Variants in GPC6 observed in about 807,000 individuals in gnomAD.
GPC6 encodes glypican-6.
GPC6 carries 14 observed loss-of-function variants against 55.2 expected under a neutral mutation model. The ratio of observed to expected loss-of-function variants is 0.25; its 90% CI spans 0.17 to 0.40. GPC6 has a LOEUF of 0.40. Ranked by LOEUF, GPC6 falls within the 10% of genes least tolerant of loss-of-function variation. The pLI, the probability that GPC6 is intolerant of heterozygous loss-of-function variation, is 1.00. For synonymous variants in GPC6, 278 were observed against 259.6 expected, an observed-to-expected ratio of 1.07 and a Z score of -0.68; for missense variants, 641 against 708.5, an observed-to-expected ratio of 0.90 and a Z score of 1.08.
Position 93,834,674 on chromosome 13 carries a change from T to G in GPC6, c.711+4129T>G, listed in dbSNP as rs562217675. Among the ~76,000 whole-genome samples, 19 of 152,090 alleles carry G rather than the reference T, an allele frequency of 1.2e-4. 1 individual carries two copies. The highest frequency in any genetic ancestry group is 9.2e-4 in the Admixed American group (14 of 15,270). ...GAAATAAATTAAGATGTAGAAAGAT[T>G]TTACCATTTTCCATCTCTGTTTCTA... On this transcript the variant is annotated intron_variant, in intron 3 of 8. Transcript: ENST00000377047.
chr13:94,015,165 A>G (rs1013915790), intron 3 of GPC6, among the ~76,000 whole-genome samples: 3 of 152,170 alleles, frequency 2.0e-5, no homozygotes, highest in African/African-American at 7.2e-5. Context: ...CAATATATAA[A>G]TGTTTCAATG....
chr13:93,384,155 G>A (rs920139455), intron 1 of GPC6, among the ~76,000 whole-genome samples: 1 of 152,088 alleles, frequency 6.6e-6, no homozygotes, highest in Non-Finnish European at 1.5e-5. Context: ...GAATGCTAAA[G>A]CACACTTTCT....
At chr13:94,038,890 A>G (rs568213834) in intron 4 of GPC6, among the ~76,000 whole-genome samples, 1 of 151,972 alleles carries the variant, frequency 6.6e-6, no homozygotes, top group Non-Finnish European at 1.5e-5. Flanking sequence ...AGAATTATCA[A>G]CTAATTGTTA....
chr13:93,487,074 G>A (rs1052765719), intron 1 of GPC6, among the ~76,000 whole-genome samples: 6 of 152,062 alleles, frequency 3.9e-5, no homozygotes, highest in East Asian at 1.9e-4. Context: ...CTGATACCTC[G>A]CAGTTTGCTC....
upstream of GPC6, among the ~76,000 whole-genome samples, chr13:93,225,147 C>T (rs1303431610): frequency 6.6e-6 from 1 of 152,080 alleles, no homozygotes. Flanking sequence ...CAATGAGTCC[C>T]AGGATAAGGT....
intron 2 of GPC6, among the ~76,000 whole-genome samples, chr13:93,792,118 G>A (rs12428875): frequency 5.9e-5 from 9 of 152,142 alleles, no homozygotes; most frequent in Non-Finnish European, 1.0e-4. Context: ...AAATGCTATT[G>A]AACCTGCTTC....
At chr13:93,892,420 A>T (rs1225100713) in intron 3 of GPC6, among the ~76,000 whole-genome samples, 1 of 152,196 alleles carries the variant, frequency 6.6e-6, no homozygotes, top group African/African-American at 2.4e-5. Context: ...TGGATTTAAT[A>T]ATCAGGAAAG....
intron 4 of GPC6, among the ~76,000 whole-genome samples, chr13:94,104,990 A>G (rs1324210324): frequency 6.6e-5 from 10 of 152,178 alleles, no homozygotes; most frequent in Admixed American, 5.2e-4. Flanking sequence ...TGGAACCAAA[A>G]AAGAGCCCGC....
intron 4 of GPC6, among the ~76,000 whole-genome samples, chr13:94,128,311 T>A (rs955188044): frequency 1.3e-5 from 2 of 152,194 alleles, no homozygotes; most frequent in African/African-American, 4.8e-5. Flanking sequence ...AATGATCACT[T>A]GCAAGCTGAT....
At chr13:93,277,166 T>G (rs1476568714) in intron 1 of GPC6, among the ~76,000 whole-genome samples, 1 of 152,188 alleles carries the variant, frequency 6.6e-6, no homozygotes, top group Non-Finnish European at 1.5e-5. Context: ...ACTTATGATG[T>G]GTTGCAAATA....
intron 2 of GPC6, among the ~76,000 whole-genome samples, chr13:93,675,201 A>T (rs1338363952): frequency 2.0e-5 from 3 of 152,132 alleles, no homozygotes; most frequent in Non-Finnish European, 4.4e-5. Flanking sequence ...TCTAATGTTT[A>T]TGCAACTCCA....
intron 3 of GPC6, among the ~76,000 whole-genome samples, chr13:93,878,144 G>T (rs1874705986): frequency 6.6e-6 from 1 of 152,034 alleles, no homozygotes; most frequent in Non-Finnish European, 1.5e-5. Flanking sequence ...GAGCGATGGG[G>T]AGATAGAAGA....
intron 3 of GPC6, among the ~76,000 whole-genome samples, chr13:93,845,333 AC>A (rs1209195219): frequency 1.3e-5 from 2 of 149,880 alleles, no homozygotes; most frequent in Non-Finnish European, 3.0e-5. Flanking sequence ...TCAGGAAACA[AC>A]AGGTGCTGGA....
chr13:93,806,402 G>A (rs1367499593), intron 2 of GPC6, among the ~76,000 whole-genome samples: 1 of 152,136 alleles, frequency 6.6e-6, no homozygotes, highest in Non-Finnish European at 1.5e-5. Context: ...CAATGGCGCA[G>A]TCGCGGCTCA....
intron 2 of GPC6, among the ~76,000 whole-genome samples, chr13:93,763,307 C>T (rs1377096233): frequency 1.3e-5 from 2 of 152,276 alleles, no homozygotes; most frequent in East Asian, 1.9e-4. Flanking sequence ...CCCTATGATG[C>T]ATGGAGCAAA....
intron 1 of GPC6, among the ~76,000 whole-genome samples, chr13:93,430,375 T>C (rs1310612953): frequency 4.6e-5 from 7 of 152,112 alleles, no homozygotes; most frequent in Non-Finnish European, 7.4e-5. Flanking sequence ...ATTGAGAGAA[T>C]AGAATTTAGG....
chr13:93,623,522 A>T (rs182780581), intron 2 of GPC6, among the ~76,000 whole-genome samples: 1 of 133,554 alleles, frequency 7.5e-6, no homozygotes, highest in Admixed American at 8.9e-5. Context: ...GCAGTGGTGC[A>T]TTCTCAGCTC....
intron 1 of GPC6, among the ~76,000 whole-genome samples, chr13:93,327,211 T>G (rs1349293752): frequency 6.6e-6 from 1 of 152,220 alleles, no homozygotes; most frequent in Non-Finnish European, 1.5e-5. Flanking sequence ...TTAGTTACAC[T>G]TGTGATGACT....
chr13:94,241,013 A>G (rs1891039325), intron 4 of GPC6, among the ~76,000 whole-genome samples: 1 of 152,190 alleles, frequency 6.6e-6, no homozygotes, highest in Non-Finnish European at 1.5e-5. Context: ...CAAAATTCAT[A>G]CTAATCCCCC....
Sources: gnomAD v4.1 joint callset for allele counts (sites outside exome capture counted in the v4.1 genomes callset) on GRCh38, gnomAD v4.1.1 for gene constraint, MANE v1.5 for transcripts, NCBI Gene and HGNC (gene_info 2026-07-23, HGNC 2026-07-21) for gene names.